The following DOP1B variants were observed in gnomAD, a reference collection of about 807,000 sequenced individuals.
DOP1B encodes protein DOP1B.
A neutral mutation model predicts 233.5 loss-of-function variants in DOP1B; 174 were observed. That is an observed-to-expected ratio of 0.75 (90% CI 0.66 to 0.85). The LOEUF is 0.85. Among genes scored for constraint, DOP1B ranks in the 40% least tolerant of loss-of-function variants. The pLI is 0.00. For synonymous variants in DOP1B, 1,190 were observed against 1,185.6 expected (o/e 1.00, Z -0.08); for missense variants, 2,652 against 2,846.6 (o/e 0.93, Z 1.56).
intron 7 of DOP1B, among the ~76,000 whole-genome samples, chr21:36,212,663 C>T (rs907866606): frequency 6.6e-6 from 1 of 152,174 alleles, no homozygotes; most frequent in East Asian, 1.9e-4. Context: ...TAGGAAATTG[C>T]AACTTTAAAG....
chr21:36,203,645 G>GGT (rs141366080), intron 4 of DOP1B, among the ~76,000 whole-genome samples: 3 of 91,906 alleles, frequency 3.3e-5, no homozygotes, highest in East Asian at 2.9e-4. Context: ...AGGGTGCAGT[G>GGT]GGGGGGGTCA....
intron 4 of DOP1B, among the ~76,000 whole-genome samples, chr21:36,204,026 AC>A (rs2066401118): frequency 6.6e-6 from 1 of 152,206 alleles, no homozygotes; most frequent in Non-Finnish European, 1.5e-5. Flanking sequence ...GAAGGCAACA[AC>A]TAGCTCACCA....
intron 12 of DOP1B, among the ~76,000 whole-genome samples, chr21:36,226,057 T>C (rs1379222117): frequency 2.6e-5 from 4 of 152,318 alleles, no homozygotes; most frequent in Admixed American, 6.5e-5. Context: ...TTTTATTTTT[T>C]ATTAGAAAGT....
In DOP1B at chr21:36,245,222, G is replaced by A. The variant is rs751839608; in HGVS notation, c.3242G>A (p.Arg1081Gln). ...VEKEPEKYPL[R>Q]GELSEEELPY... ...AAGGAGCCCGAGAAGTACCCGCTGC[G>A]AGGCGAGCTGAGCGAGGAAGAGCTG... The change falls in exon 19 of 37, where the codon CGA becomes CAA. Residue 1081 changes from arginine to glutamine, a missense_variant. By Grantham distance (43) the Arg-to-Gln change is conservative. This residue lies in a region of DOP1B where 2,617 missense variants were observed against 2,794.3 expected (regional missense o/e 0.94). Transcript: ENST00000691173. The surrounding 1 kb of genome is among the most constrained non-coding windows in gnomAD (Gnocchi z 5.5). The A allele has an allele frequency of 7.4e-6, 12 of 1,614,000 alleles. No individual in the cohort carries two copies. Among genetic ancestry groups the A allele is most frequent in the African/African-American group, 6.7e-5 (5 of 74,936 alleles).
chr21:36,222,784 G>A (rs574783863), intron 10 of DOP1B, among the ~76,000 whole-genome samples: 6 of 151,756 alleles, frequency 4.0e-5, no homozygotes, highest in South Asian at 4.2e-4. Flanking sequence ...CATCCAGGCT[G>A]GAGTGCAGTG....
chr21:36,233,979 G>A (rs1355739172), intron 15 of DOP1B, among the ~76,000 whole-genome samples: 2 of 151,918 alleles, frequency 1.3e-5, no homozygotes, highest in African/African-American at 2.4e-5. Flanking sequence ...TCAGCCTCCC[G>A]AGTAGCTGGG....
chr21:36,289,875 C>T (rs914752751), intron 35 of DOP1B, among the ~76,000 whole-genome samples: 2 of 152,034 alleles, frequency 1.3e-5, no homozygotes, highest in East Asian at 1.9e-4. Context: ...GATCAGTGGT[C>T]GCCAGGGGTT....
Position 36,245,536 on chromosome 21 carries a change from A to T in DOP1B, c.3556A>T (p.Thr1186Ser). ...LSLVRVDSDKTQASESFSSDE... is the reference protein window; with the variant it reads ...LSLVRVDSDKSQASESFSSDE... ...CCTGGTGCGGGTGGACTCGGACAAG[A>T]CGCAGGCTTCTGAGTCGTTCTCCAG... Residue 1186 changes from threonine (T) to serine (S), a missense_variant, in exon 19 of 37, where the codon ACG becomes TCG. Thr to Ser is a moderately conservative substitution (Grantham distance 58). Coordinates refer to ENST00000691173, the MANE Select transcript of DOP1B (RefSeq NM_001320714.2). The surrounding 1 kb of genome is among the most constrained non-coding windows in gnomAD (Gnocchi z 5.5). 1 of 1,613,536 alleles carries T rather than the reference A, an allele frequency of 6.2e-7. No individual in the cohort carries two copies. The highest frequency in any genetic ancestry group is 8.5e-7 in the Non-Finnish European group (1 of 1,180,026).
intron 30 of DOP1B, 26 bp downstream of exon 30, chr21:36,278,381 C>T (rs199853535): frequency 6.4e-5 from 102 of 1,586,774 alleles, no homozygotes; most frequent in Non-Finnish European, 7.9e-5. Flanking sequence ...CTGATAACAA[C>T]GTGCTCTGAA....
At chr21:36,193,050 A>G (rs892131662) in intron 2 of DOP1B, among the ~76,000 whole-genome samples, 4 of 152,192 alleles carry the variant, frequency 2.6e-5, no homozygotes, top group African/African-American at 7.2e-5. Flanking sequence ...AGCTTTCCTA[A>G]GTCCTGTACT....
intron 24 of DOP1B, among the ~76,000 whole-genome samples, chr21:36,262,977 G>A (rs1408521770): frequency 2.0e-5 from 3 of 151,916 alleles, no homozygotes; most frequent in South Asian, 2.1e-4. Context: ...GCTCACGCCT[G>A]TAATCCCAGC....
At chr21:36,220,017 T>C (rs1204437793) in intron 10 of DOP1B, among the ~76,000 whole-genome samples, 2 of 152,020 alleles carry the variant, frequency 1.3e-5, no homozygotes, top group Non-Finnish European at 2.9e-5. Flanking sequence ...TGAGTGGTGT[T>C]TGGAAGACAG....
intron 13 of DOP1B, among the ~76,000 whole-genome samples, chr21:36,229,474 C>G (rs548196968): frequency 6.6e-6 from 1 of 152,186 alleles, no homozygotes; most frequent in South Asian, 2.1e-4. Context: ...CCAGATCTCT[C>G]CTTTTTATAA....
rs1362514176 is a variant in DOP1B, at chr21:36,164,828, G to A, written c.95G>A (p.Ser32Asn). 3.7e-6 allele frequency: 6 copies of A among 1,612,618 alleles called. No individual in the cohort carries two copies. The highest frequency in any genetic ancestry group is 1.1e-5 in the South Asian group (1 of 90,818). Reference sequence around the variant, plus strand: ...GCTTTGAGAAATTTTGAGTCCTCGAGTGAATGGGCGGATCTCATATCTTCA... The same window carrying A: ...GCTTTGAGAAATTTTGAGTCCTCGAATGAATGGGCGGATCTCATATCTTCA... ...EKALRNFESSSEWADLISSLG... is the reference protein window; with the variant it reads ...EKALRNFESSNEWADLISSLG... The change falls in exon 2 of 37, where the codon AGT (serine) becomes AAT (asparagine). Residue 32 changes from serine to asparagine, a missense_variant. Around this residue, in one of 3 missense-constraint regions of DOP1B, gnomAD observed 2,617 missense variants for 2,794.3 expected, o/e 0.94. Coordinates refer to ENST00000691173, the MANE Select transcript of DOP1B (RefSeq NM_001320714.2).
intron 18 of DOP1B, among the ~76,000 whole-genome samples, chr21:36,241,295 A>G (rs2066888886): frequency 6.6e-6 from 1 of 150,376 alleles, no homozygotes; most frequent in South Asian, 2.1e-4. Context: ...CTCCATCTCA[A>G]AAAAAAAAGA....
In DOP1B at chr21:36,225,519, C is replaced by G. The variant is rs761271177; in HGVS notation, c.1371-46C>G. The G allele has an allele frequency of 1.9e-6, 3 of 1,607,944 alleles. No homozygotes were observed. In the South Asian group the frequency reaches 3.3e-5, roughly 18 times the overall value. On this transcript the variant is annotated intron_variant, in intron 11 of 36. Transcript: ENST00000691173. ...GTGTTAAGATTATAGGTGTGAGCCT[C>G]CATGCCTGGCCAAAGAATGGATTTT... is the stretch of plus-strand genomic sequence containing the variant.
rs776358442 is a variant in DOP1B at position 36,251,136 on chromosome 21, G to A, written c.4999-26G>A. 2.5e-6 allele frequency: 4 copies of A among 1,602,624 alleles called. No individual in the cohort carries two copies. In the East Asian group the frequency reaches 8.9e-5, roughly 36 times the overall value. On this transcript the variant is annotated intron_variant, in intron 21 of 36. Coordinates refer to ENST00000691173, the MANE Select transcript of DOP1B (RefSeq NM_001320714.2). ...GCCATAGCCCCAATATTACTCTGCAGTAACTTTTTTTTCCCTATTTTCTAG... is the reference window on the plus strand; with the variant it reads ...GCCATAGCCCCAATATTACTCTGCAATAACTTTTTTTTCCCTATTTTCTAG...
intron 2 of DOP1B, among the ~76,000 whole-genome samples, chr21:36,165,759 A>C (rs150689483): frequency 0.026 from 3,630 of 141,036 alleles, 77 homozygotes; most frequent in African/African-American, 0.056. Flanking sequence ...TCTGTTGCCC[A>C]GGTTGGAGTG....
intron 2 of DOP1B, among the ~76,000 whole-genome samples, chr21:36,176,685 A>G (rs140476321): frequency 1.6e-4 from 24 of 152,232 alleles, no homozygotes; most frequent in Non-Finnish European, 2.4e-4. Flanking sequence ...GACTGGCTTC[A>G]CGTTAAACTA....
Sources: gnomAD v4.1 joint callset for allele counts (sites outside exome capture counted in the v4.1 genomes callset) on GRCh38, gnomAD v4.1.1 for gene constraint, gnomAD v4.1.1 regional missense constraint, Gnocchi (gnomAD v3.1) non-coding constraint, MANE v1.5 for transcripts, NCBI Gene and HGNC (gene_info 2026-07-23, HGNC 2026-07-21) for gene names.